MTSS1: variants seen among roughly 807,000 people sequenced by gnomAD.
MTSS1 encodes protein MTSS 1.
A neutral mutation model predicts 79.0 loss-of-function variants in MTSS1; 18 were observed. The observed-to-expected ratio is 0.23, with a 90% CI of 0.16 to 0.34. MTSS1 has a LOEUF of 0.34. Ranked by LOEUF, MTSS1 falls within the 10% of genes least tolerant of loss-of-function variation. The probability of loss-of-function intolerance (pLI) is 1.00; values close to 1 mark genes in which losing one functional copy is unlikely to be tolerated. For missense variants in MTSS1, 815 were observed against 986.2 expected (o/e 0.83, Z 2.33); for synonymous variants, 341 against 368.6 (o/e 0.93, Z 0.86).
chr8:124,601,405 C>T (rs981335697), intron 3 of MTSS1, among the ~76,000 whole-genome samples: 11 of 152,310 alleles, frequency 7.2e-5, no homozygotes, highest in Non-Finnish European at 1.3e-4. Flanking sequence ...ACAACAGTTG[C>T]ATCACCAGCT....
At chr8:124,666,534 T>C (rs1478775830) in intron 3 of MTSS1, among the ~76,000 whole-genome samples, 3 of 152,220 alleles carry the variant, frequency 2.0e-5, no homozygotes, top group South Asian at 2.1e-4. Flanking sequence ...TGGTCTAGCA[T>C]GGGCATCCGG....
chr8:124,724,611 T>A lies in MTSS1; in HGVS notation c.72+3273A>T, dbSNP rs188167903. Among the ~76,000 whole-genome samples the A allele has an allele frequency of 1.4e-4, 21 of 152,298 alleles. No individual in the cohort carries two copies. The East Asian group carries it at 3.5e-3, about 25-fold the overall frequency. ...CTTTGTTTTTTTAACCCAAGTTAAT[T>A]ATTAAAAGAAGAAAGACATCCGCAG... is the stretch of plus-strand genomic sequence containing the variant. On this transcript the variant is annotated intron_variant, in intron 1 of 13. Transcript: ENST00000518547.
At chr8:124,637,088 G>A (rs1037359462) in intron 3 of MTSS1, among the ~76,000 whole-genome samples, 1 of 152,124 alleles carries the variant, frequency 6.6e-6, no homozygotes, top group African/African-American at 2.4e-5. Flanking sequence ...GGAGTTGGAC[G>A]TGTACCCTAA....
intron 10 of MTSS1, among the ~76,000 whole-genome samples, chr8:124,561,455 T>A (rs1825296220): frequency 6.6e-6 from 1 of 151,968 alleles, no homozygotes; most frequent in South Asian, 2.1e-4. Flanking sequence ...TACCCTAGAG[T>A]TGCTAGCCAC....
At chr8:124,614,980 G>T (rs1836571179) in intron 3 of MTSS1, among the ~76,000 whole-genome samples, 1 of 152,202 alleles carries the variant, frequency 6.6e-6, no homozygotes, top group African/African-American at 2.4e-5. Context: ...ATCAAGAAGG[G>T]CTTGTCTAAG....
intron 1 of MTSS1, among the ~76,000 whole-genome samples, chr8:124,718,095 C>T (rs940810629): frequency 4.6e-5 from 7 of 151,322 alleles, no homozygotes; most frequent in Non-Finnish European, 1.0e-4. Context: ...TGAAAATGTG[C>T]GAGCCCTTGT....
intron 6 of MTSS1, among the ~76,000 whole-genome samples, chr8:124,569,323 G>A (rs1827247430): frequency 6.6e-6 from 1 of 152,154 alleles, no homozygotes; most frequent in African/African-American, 2.4e-5. Flanking sequence ...AACCATCTTT[G>A]CAAATAAAGT....
At chr8:124,713,290 G>A (rs1831436653) in intron 1 of MTSS1, among the ~76,000 whole-genome samples, 1 of 152,178 alleles carries the variant, frequency 6.6e-6, no homozygotes, top group African/African-American at 2.4e-5. Context: ...CTATCTTAGG[G>A]TGCTCTACAA....
At chr8:124,568,059 G>T in intron 7 of MTSS1, 1 of 979,312 alleles carries the variant, frequency 1.0e-6, no homozygotes, top group Non-Finnish European at 1.4e-6. Context: ...GGTGGGTCTG[G>T]GTTGGGCCCA....
At chr8:124,558,013 G>A in intron 10 of MTSS1, 138 bp from the exon 11 acceptor site, 1 of 678,730 alleles carries the variant, frequency 1.5e-6, no homozygotes, top group South Asian at 2.1e-5. Context: ...TTGGGGCTCT[G>A]CTGCTCACGG....
In MTSS1 at chr8:124,706,789, C is replaced by T. The variant is rs1263577188; in HGVS notation, c.73-2598G>A. ...TATGTCAAATGAAAACTTGTGAGAG[C>T]TCAGGCTATCATTCAAGGCCCATCA... On this transcript the variant is annotated intron_variant, in intron 1 of 13. Coordinates refer to ENST00000518547, the MANE Select transcript of MTSS1 (RefSeq NM_014751.6). Among the ~76,000 whole-genome samples, 3 of 152,326 alleles carry T rather than the reference C, an allele frequency of 2.0e-5. No homozygotes were observed. In the East Asian group the frequency reaches 5.8e-4, roughly 29 times the overall value.
intron 8 of MTSS1, among the ~76,000 whole-genome samples, chr8:124,566,565 A>G (rs1179155538): frequency 6.6e-6 from 1 of 152,234 alleles, no homozygotes; most frequent in Non-Finnish European, 1.5e-5. Flanking sequence ...TAAAAATGTC[A>G]TCTTTTTCAT....
chr8:124,611,106 AC>A (rs750490897), intron 3 of MTSS1, among the ~76,000 whole-genome samples: 3,880 of 93,976 alleles, frequency 0.041, 207 homozygotes, highest in African/African-American at 0.093. Flanking sequence ...CACCAGACAG[AC>A]CCCCCCCCCC....
chr8:124,555,959 C>A (rs1447846168), intron 12 of MTSS1, 55 bp from the exon 13 acceptor site: 1 of 1,589,784 alleles, frequency 6.3e-7, no homozygotes, highest in East Asian at 2.2e-5. Flanking sequence ...GGCTCAACAG[C>A]ACTCCTGTTC....
At chr8:124,682,443 C>G (rs763186628) in intron 3 of MTSS1, among the ~76,000 whole-genome samples, 1 of 152,232 alleles carries the variant, frequency 6.6e-6, no homozygotes, top group Non-Finnish European at 1.5e-5. Context: ...TCCATCAGTG[C>G]ACAAGGCCAC....
At chr8:124,602,622 AG>A (rs1310039285) in intron 3 of MTSS1, among the ~76,000 whole-genome samples, 1 of 152,224 alleles carries the variant, frequency 6.6e-6, no homozygotes, top group Non-Finnish European at 1.5e-5. Flanking sequence ...CCAAAAGGCT[AG>A]TAGGTGGACA....
At position 124,565,807 on chromosome 8, in the gene MTSS1, C is replaced by T. The variant is rs887281159; in HGVS notation, c.727-48G>A. 5.5e-6 allele frequency: 8 copies of T among 1,452,528 alleles called. No homozygotes were observed. The East Asian group carries it at 6.9e-5, about 12-fold the overall frequency. 90.0% of individuals were successfully genotyped at this position (1,452,528 alleles called of 1,614,324 possible). A position where few individuals can be genotyped will look rare whatever the true frequency, so the allele number is the denominator to read the frequency against. On this transcript the variant is annotated intron_variant, in intron 8 of 13. Transcript: ENST00000518547. Reference sequence around the variant, plus strand: ...GTGAATGAGGTGCTGAGAGGGGAAGCGTTAGCCATCAAAGCTTAACATCCA... The same window carrying T: ...GTGAATGAGGTGCTGAGAGGGGAAGTGTTAGCCATCAAAGCTTAACATCCA...
rs1822810260 is a variant in MTSS1, at chr8:124,553,104, T to A, written c.2156A>T (p.Asp719Val). 1.9e-6 allele frequency: 3 copies of A among 1,614,076 alleles called. No homozygotes were observed. The highest frequency in any genetic ancestry group is 2.5e-6 in the Non-Finnish European group (3 of 1,180,008). The change falls in exon 14 of 14, where the codon GAC becomes GTC. Residue 719 changes from aspartate (D) to valine (V), a missense_variant. This residue lies in a region of MTSS1 where 590 missense variants were observed against 620.8 expected (regional missense o/e 0.95). Coordinates refer to ENST00000518547, the MANE Select transcript of MTSS1 (RefSeq NM_014751.6). The surrounding 1 kb of genome is among the most constrained non-coding windows in gnomAD (Gnocchi z 6.0). ...TTGTGGAGTATCCCTTGGGCTCAGG[T>A]CTGCAGGGTCACTCTCTGGAATCTG... Reference protein sequence around the residue: ...PGQIPESDPADLSPRDTPQGE... With the variant: ...PGQIPESDPAVLSPRDTPQGE...
rs771153439 is a variant in MTSS1 at position 124,558,687 on chromosome 8, G to A, written c.1036-812C>T. 150 of 1,515,172 alleles carry A rather than the reference G, an allele frequency of 9.9e-5. 1 individual carries two copies. Among genetic ancestry groups the A allele is most frequent in the East Asian group, 6.7e-4 (27 of 40,476 alleles). 93.9% of individuals were successfully genotyped at this position (1,515,172 alleles called of 1,614,324 possible). A position where few individuals can be genotyped will look rare whatever the true frequency, so the allele number is the denominator to read the frequency against. Reference sequence around the variant, plus strand: ...CAGGGGGACCAGGGAGAGTGGGGCCGCTGTGGCTGCCACCCGGGCGGTCAC... The same window carrying A: ...CAGGGGGACCAGGGAGAGTGGGGCCACTGTGGCTGCCACCCGGGCGGTCAC... On this transcript the variant is annotated intron_variant, in intron 10 of 13. Transcript: ENST00000518547.
Sources: allele counts gnomAD v4.1 joint callset (sites outside exome capture counted in the v4.1 genomes callset), GRCh38; gene constraint gnomAD v4.1.1; regional missense constraint gnomAD v4.1.1; non-coding constraint Gnocchi (gnomAD v3.1); transcripts MANE v1.5; gene names NCBI Gene and HGNC (gene_info 2026-07-23, HGNC 2026-07-21).